The following RC3H1 variants were observed in gnomAD, a reference collection of about 807,000 sequenced individuals.
RC3H1 encodes the protein roquin-1.
A neutral mutation model predicts 138.2 loss-of-function variants in RC3H1; 50 were observed. The observed-to-expected ratio is 0.36, with a 90% CI of 0.29 to 0.46. The LOEUF (loss-of-function observed/expected upper bound fraction) is 0.46. RC3H1 is among the 20% of genes least tolerant of loss of function. RC3H1 has a pLI of 1.00. For missense variants in RC3H1, 1,031 were observed against 1,388.1 expected (o/e 0.74, Z 4.09); for synonymous variants, 462 against 489.1 (o/e 0.94, Z 0.73).
chr1:173,975,547 T>C (rs1041323073), intron 7 of RC3H1, among the ~76,000 whole-genome samples: 30 of 152,112 alleles, frequency 2.0e-4, no homozygotes, highest in African/African-American at 6.5e-4. Context: ...TACAAATGCA[T>C]TCCAATTTCA....
intron 2 of RC3H1, 95 bp downstream of exon 2, chr1:173,992,660 A>C (rs1645414107): frequency 1.0e-6 from 1 of 952,500 alleles, no homozygotes; most frequent in Non-Finnish European, 1.6e-6. Flanking sequence ...TCAGGAGAAA[A>C]ACACGCACAA....
At chr1:173,967,408 C>G (rs962000373) in intron 9 of RC3H1, among the ~76,000 whole-genome samples, 2 of 152,146 alleles carry the variant, frequency 1.3e-5, no homozygotes, top group African/African-American at 4.8e-5. Flanking sequence ...TCAAAGAGCA[C>G]GCAAATTAGA....
chr1:173,941,313 G>C lies in RC3H1; in HGVS notation c.3203C>G (p.Pro1068Arg), dbSNP rs149279771. Residue 1068 changes from proline (P) to arginine (R), a missense_variant, in exon 19 of 20, where the codon CCA becomes CGA. Coordinates refer to ENST00000367696, the MANE Select transcript of RC3H1 (RefSeq NM_172071.4). ...NTSKQAENGQ[P>R]EPQNKVPAED... ...AGCCGGAACCTTGTTTTGTGGTTCTGGTTGTCCATTTTCTGCTTGTTTACT... is the reference window on the plus strand; with the variant it reads ...AGCCGGAACCTTGTTTTGTGGTTCTCGTTGTCCATTTTCTGCTTGTTTACT... The C allele has an allele frequency of 3.3e-5, 54 of 1,613,678 alleles. No homozygotes were observed. In the Middle Eastern group the frequency reaches 6.6e-4, roughly 20 times the overall value.
Position 173,993,042 on chromosome 1 carries a change from T to G in RC3H1, c.-57A>C. On this transcript the variant is annotated 5_prime_UTR_variant, in exon 2 of 20. Coordinates refer to ENST00000367696, the MANE Select transcript of RC3H1 (RefSeq NM_172071.4). ...CACACACACAAATCTAAAGCAAAGATTCCACTGGAATCAAAATCTTTGAAA... is the reference window on the plus strand; with the variant it reads ...CACACACACAAATCTAAAGCAAAGAGTCCACTGGAATCAAAATCTTTGAAA... 7.9e-7 allele frequency: 1 copy of G among 1,270,932 alleles called. No homozygotes were observed. The highest frequency in any genetic ancestry group is 1.1e-6 in the Non-Finnish European group (1 of 882,802). The allele number at this position is 1,270,932 out of a possible 1,614,324, so 78.7% of individuals were successfully genotyped here.
intron 9 of RC3H1, among the ~76,000 whole-genome samples, chr1:173,967,397 G>A (rs1660168169): frequency 6.6e-6 from 1 of 152,120 alleles, no homozygotes; most frequent in African/African-American, 2.4e-5. Flanking sequence ...GCAGAATGAG[G>A]TCAAAGAGCA....
intron 1 of RC3H1, among the ~76,000 whole-genome samples, chr1:173,998,535 A>AT (rs1661505305): frequency 6.6e-6 from 1 of 152,164 alleles, no homozygotes; most frequent in African/African-American, 2.4e-5. Flanking sequence ...ATATATACAC[A>AT]TTTTTACACC....
chr1:173,993,069 A>G lies in RC3H1; in HGVS notation c.-84T>C. 1 of 1,031,008 alleles carries G rather than the reference A, an allele frequency of 9.7e-7. No individual in the cohort carries two copies. The allele number at this position is 1,031,008 out of a possible 1,614,324, so 63.9% of individuals were successfully genotyped here. ...CCACTGGAATCAAAATCTTTGAAAA[A>G]AAGTTTATCTTTTTTTTTTTTAAAT... On this transcript the variant is annotated 5_prime_UTR_variant, in exon 2 of 20. Coordinates refer to ENST00000367696, the MANE Select transcript of RC3H1 (RefSeq NM_172071.4).
intron 6 of RC3H1, 26 bp downstream of exon 6, chr1:173,980,783 G>C: frequency 1.9e-6 from 3 of 1,571,364 alleles, no homozygotes; most frequent in Non-Finnish European, 2.6e-6. Flanking sequence ...ATTAGTCTAA[G>C]AAGTAAGGAA....
chr1:173,986,471 G>A (rs1661036892), intron 2 of RC3H1, among the ~76,000 whole-genome samples: 1 of 152,100 alleles, frequency 6.6e-6, no homozygotes, highest in African/African-American at 2.4e-5. Context: ...TAGAGATGGA[G>A]GTCCCACTAC....
intron 18 of RC3H1, among the ~76,000 whole-genome samples, chr1:173,942,084 T>C (rs941734545): frequency 2.7e-5 from 4 of 148,886 alleles, no homozygotes; most frequent in African/African-American, 7.4e-5. Flanking sequence ...ACTAAAAATA[T>C]AAAAAAAATT....
At chr1:174,021,359 C>T (rs1007419670) in intron 1 of RC3H1, among the ~76,000 whole-genome samples, 2 of 152,200 alleles carry the variant, frequency 1.3e-5, no homozygotes, top group East Asian at 3.8e-4. Context: ...AATCCACTCT[C>T]ACCTGGGATG....
At chr1:173,990,704 C>G (rs1263726350) in intron 2 of RC3H1, among the ~76,000 whole-genome samples, 1 of 151,538 alleles carries the variant, frequency 6.6e-6, no homozygotes, top group African/African-American at 2.4e-5. Flanking sequence ...TCCCAAGTAG[C>G]TGGGACTCCT....
In RC3H1 at chr1:173,938,509, TTTTC is replaced by T. The variant is rs1658693588; in HGVS notation, c.*208_*211del. 1 of 367,912 alleles carries T rather than the reference TTTTC, an allele frequency of 2.7e-6. No homozygotes were observed. The highest frequency in any genetic ancestry group is 4.1e-5 in the East Asian group (1 of 24,550). 22.8% of individuals were successfully genotyped at this position (367,912 alleles called of 1,614,324 possible). On this transcript the variant is annotated 3_prime_UTR_variant, in exon 20 of 20. Transcript: ENST00000367696. ...CTGAATTGCTTGCAGATACTGCTAA[TTTTC>T]TTTTTCTTTAAATTAAAAAAATGCA...
intron 1 of RC3H1, among the ~76,000 whole-genome samples, chr1:173,996,385 TG>T (rs1228806493): frequency 6.6e-6 from 1 of 152,016 alleles, no homozygotes; most frequent in African/African-American, 2.4e-5. Context: ...TGTAAATGAA[TG>T]GAAGAAAAAG....
chr1:173,997,040 A>G lies in RC3H1; in HGVS notation c.-150-3905T>C, dbSNP rs140711001. On this transcript the variant is annotated intron_variant, in intron 1 of 19. Coordinates refer to ENST00000367696, the MANE Select transcript of RC3H1 (RefSeq NM_172071.4). ...AGCCCAGGAGTTTGAGACCAGCCTG[A>G]GCAATCAAGTGAGACCCCGTCTCTA... Among the ~76,000 whole-genome samples the G allele has an allele frequency of 1.3e-4, 20 of 152,084 alleles. No homozygotes were observed. The East Asian group carries it at 3.7e-3, about 28-fold the overall frequency.
At chr1:173,999,433 G>T (rs751234353) in intron 1 of RC3H1, among the ~76,000 whole-genome samples, 8 of 151,688 alleles carry the variant, frequency 5.3e-5, no homozygotes, top group Non-Finnish European at 1.0e-4. Context: ...AAACAACAAG[G>T]CTACTTGCTT....
Position 173,947,332 on chromosome 1 carries a change from T to C in RC3H1, c.2737+37A>G, listed in dbSNP as rs190268155. ...GGGGTAATGCTGAAAGTCAAGATTA[T>C]GAACCCTTTAGGTCAGCTTACCTCT... On this transcript the variant is annotated intron_variant, in intron 15 of 19. Coordinates refer to ENST00000367696, the MANE Select transcript of RC3H1 (RefSeq NM_172071.4). 5.4e-4 allele frequency: 771 copies of C among 1,425,782 alleles called. 6 individuals are homozygous for C. The African/African-American group carries it at 8.3e-3, about 15-fold the overall frequency. The allele number at this position is 1,425,782 out of a possible 1,614,324, so 88.3% of individuals were successfully genotyped here. A position where few individuals can be genotyped will look rare whatever the true frequency, so the allele number is the denominator to read the frequency against.
chr1:174,017,790 A>AAAAAAAAAAAAAAAAAAAAAAC, intron 1 of RC3H1, among the ~76,000 whole-genome samples: 1 of 112,470 alleles, frequency 8.9e-6, no homozygotes, highest in African/African-American at 3.5e-5. Context: ...GCTCAAAAAA[A>AAAAAAAAAAAAAAAAAAAAAAC]AAAAAAAAAA....
chr1:173,982,312 G>A (rs1184416955), intron 5 of RC3H1, among the ~76,000 whole-genome samples: 1 of 151,096 alleles, frequency 6.6e-6, no homozygotes, highest in Admixed American at 6.6e-5. Context: ...GCAGGAGGTG[G>A]AGGTTGCAGT....
Sources: allele counts gnomAD v4.1 joint callset (sites outside exome capture counted in the v4.1 genomes callset), GRCh38; gene constraint gnomAD v4.1.1; transcripts MANE v1.5; gene names NCBI Gene and HGNC (gene_info 2026-07-23, HGNC 2026-07-21).